The following PPARG variants were observed in gnomAD, a reference collection of about 807,000 sequenced individuals.
The protein encoded by PPARG is peroxisome proliferator-activated receptor gamma.
Under a neutral mutation model 39.2 loss-of-function variants are expected in PPARG, and 17 were observed. The ratio of observed to expected loss-of-function variants is 0.43; its 90% CI spans 0.30 to 0.65. The LOEUF is 0.65. PPARG is among the 30% of genes least tolerant of loss of function. The pLI is 0.13. For synonymous variants in PPARG, 223 were observed against 215.7 expected, an observed-to-expected ratio of 1.03 and a Z score of -0.30; for missense variants, 406 against 585.9, an observed-to-expected ratio of 0.69 and a Z score of 3.17.
rs1258602538 is a variant in PPARG, at chr3:12,375,853, T to C, written c.-8-3851T>C. Among the ~76,000 whole-genome samples, 5 of 152,306 alleles carry C rather than the reference T, an allele frequency of 3.3e-5. No homozygotes were observed. The South Asian group carries it at 6.2e-4, about 19-fold the overall frequency. On this transcript the variant is annotated intron_variant, in intron 2 of 7. Transcript: ENST00000651735. Reference sequence around the variant, plus strand: ...TTAAGGTTGTTTGGGTACTTATTTATGTAGATAGACATGTGAACCCATACG... The same window carrying C: ...TTAAGGTTGTTTGGGTACTTATTTACGTAGATAGACATGTGAACCCATACG...
chr3:12,350,547 T>G (rs2048452707), intron 2 of PPARG, among the ~76,000 whole-genome samples: 1 of 152,212 alleles, frequency 6.6e-6, no homozygotes, highest in Non-Finnish European at 1.5e-5. Flanking sequence ...GCAATTCTAA[T>G]AGGCCACTCA....
intron 2 of PPARG, among the ~76,000 whole-genome samples, chr3:12,370,010 T>G (rs188512408): frequency 4.6e-5 from 7 of 152,324 alleles, no homozygotes; most frequent in Non-Finnish European, 1.0e-4. Flanking sequence ...ACCTCTCTCC[T>G]GTCTTTCAGA....
intron 2 of PPARG, among the ~76,000 whole-genome samples, chr3:12,353,451 A>G (rs995568797): frequency 3.9e-5 from 6 of 152,316 alleles, no homozygotes; most frequent in Admixed American, 1.3e-4. Flanking sequence ...TAAATTAGCT[A>G]TATGATCATC....
rs71628752 is a variant in PPARG at position 12,359,674 on chromosome 3, C to CTTTTTTTTTTTTTTTT, written c.-8-20027_-8-20012dup. On this transcript the variant is annotated intron_variant, in intron 2 of 7. Coordinates refer to ENST00000651735, the MANE Select transcript of PPARG (RefSeq NM_138711.6). The stretch of plus-strand genomic sequence containing the variant: ...ACTTTTCCTACTTACTCTTTTATTT[C>CTTTTTTTTTTTTTTTT]TTTTTTTTTTTTTTTTTTGAGACAG... Among the ~76,000 whole-genome samples the CTTTTTTTTTTTTTTTT allele has an allele frequency of 2.5e-4, 32 of 129,846 alleles. 1 individual carries two copies. The highest frequency in any genetic ancestry group is 5.2e-4 in the African/African-American group (18 of 34,600). The allele number at this position is 129,846 out of a possible 152,430, so 85.2% of individuals were successfully genotyped here. A position where few individuals can be genotyped will look rare whatever the true frequency, so the allele number is the denominator to read the frequency against.
chr3:12,381,497 TA>T lies in PPARG; in HGVS notation c.390+15del, dbSNP rs750711994. The T allele has an allele frequency of 8.3e-5, 133 of 1,598,526 alleles. No individual in the cohort carries two copies. Among genetic ancestry groups the T allele is most frequent in the African/African-American group, 1.1e-4 (8 of 74,246 alleles). Reference sequence around the variant, plus strand: ...ATGCTTGTGAAGGATGCAAGGTAATTAAAAAAAAAGTCTTCAAAGAAATTGT... The same window carrying T: ...ATGCTTGTGAAGGATGCAAGGTAATTAAAAAAAAGTCTTCAAAGAAATTGT... On this transcript the variant is annotated splice_region_variant and intron_variant, in intron 4 of 7. Transcript: ENST00000651735.
At chr3:12,287,874 G>A (rs1259185533), upstream of PPARG, 64 of 130,666 alleles carry the variant, frequency 4.9e-4, no homozygotes, top group African/African-American at 1.6e-3. Flanking sequence ...CCCCCGCGCC[G>A]GGCCCGGCTC....
intron 4 of PPARG, among the ~76,000 whole-genome samples, chr3:12,384,474 A>C (rs938236021): frequency 3.3e-5 from 5 of 152,112 alleles, no homozygotes; most frequent in Non-Finnish European, 7.4e-5. Context: ...ATTTTTATTG[A>C]ATTCTTAGTA....
chr3:12,373,678 G>A (rs923042834), intron 2 of PPARG, among the ~76,000 whole-genome samples: 6 of 152,028 alleles, frequency 3.9e-5, no homozygotes, highest in Non-Finnish European at 7.4e-5. Flanking sequence ...AAAAAACTGT[G>A]CATAGAATAT....
At chr3:12,357,119 C>G (rs1024488356) in intron 2 of PPARG, among the ~76,000 whole-genome samples, 1 of 152,152 alleles carries the variant, frequency 6.6e-6, no homozygotes, top group African/African-American at 2.4e-5. Flanking sequence ...CCTAACCTCA[C>G]AACAGCCTAG....
At chr3:12,412,109 T>C (rs773274637) in intron 6 of PPARG, among the ~76,000 whole-genome samples, 1 of 152,238 alleles carries the variant, frequency 6.6e-6, no homozygotes, top group Non-Finnish European at 1.5e-5. Context: ...GAATACCCTG[T>C]GCTTTTTGAG....
chr3:12,371,202 A>G (rs796589624), intron 2 of PPARG, among the ~76,000 whole-genome samples: 5 of 152,314 alleles, frequency 3.3e-5, no homozygotes, highest in African/African-American at 1.2e-4. Flanking sequence ...GAGGGAGACA[A>G]TATTAATATT....
intron 2 of PPARG, among the ~76,000 whole-genome samples, chr3:12,370,220 A>G (rs2049160509): frequency 1.3e-5 from 2 of 151,428 alleles, no homozygotes; most frequent in South Asian, 4.2e-4. Flanking sequence ...ACATTGTTCT[A>G]TTGATTTTCT....
chr3:12,340,887 A>G (rs922895302), intron 2 of PPARG, among the ~76,000 whole-genome samples: 17 of 152,340 alleles, frequency 1.1e-4, no homozygotes, highest in African/African-American at 3.8e-4. Context: ...TGTATATGCA[A>G]TAAAAAGGAT....
At chr3:12,397,181 A>G (rs960472665) in intron 5 of PPARG, among the ~76,000 whole-genome samples, 1 of 151,960 alleles carries the variant, frequency 6.6e-6, no homozygotes, top group Non-Finnish European at 1.5e-5. Flanking sequence ...AATTTTTTAA[A>G]AAAAACTGAC....
chr3:12,291,176 G>A (rs1473452389), intron 1 of PPARG, among the ~76,000 whole-genome samples: 1 of 152,106 alleles, frequency 6.6e-6, no homozygotes, highest in Non-Finnish European at 1.5e-5. Context: ...TAGTGTGTAA[G>A]CGTAAACATA....
intron 2 of PPARG, among the ~76,000 whole-genome samples, chr3:12,349,459 G>C (rs996210789): frequency 6.6e-6 from 1 of 152,322 alleles, no homozygotes; most frequent in South Asian, 2.1e-4. Flanking sequence ...TAGTAATGTA[G>C]GGATGCTTTG....
At chr3:12,432,221 A>T (rs1399797885) in intron 7 of PPARG, among the ~76,000 whole-genome samples, 8 of 152,210 alleles carry the variant, frequency 5.3e-5, no homozygotes, top group Admixed American at 5.2e-4. Context: ...AGGCTAGTTA[A>T]CATTGTTACT....
At chr3:12,386,397 A>T (rs976213990) in intron 4 of PPARG, among the ~76,000 whole-genome samples, 6 of 152,184 alleles carry the variant, frequency 3.9e-5, no homozygotes, top group Non-Finnish European at 8.8e-5. Context: ...TATACAGTGT[A>T]TAATGTTCAG....
intron 2 of PPARG, among the ~76,000 whole-genome samples, chr3:12,378,623 G>A (rs1010075480): frequency 2.6e-5 from 4 of 152,092 alleles, no homozygotes; most frequent in Non-Finnish European, 5.9e-5. Flanking sequence ...TAAAAAAGTC[G>A]AACTCATAAA....
Sources: allele counts gnomAD v4.1 joint callset (sites outside exome capture counted in the v4.1 genomes callset), GRCh38; gene constraint gnomAD v4.1.1; transcripts MANE v1.5; gene names NCBI Gene and HGNC (gene_info 2026-07-23, HGNC 2026-07-21).